The following RNF157 variants were observed in gnomAD, a reference collection of about 807,000 sequenced individuals.
RNF157 encodes the protein ring finger protein 157.
Under a neutral mutation model 88.3 loss-of-function variants are expected in RNF157, and 55 were observed. The observed-to-expected ratio is 0.62, with a 90% CI of 0.50 to 0.78. RNF157 has a LOEUF of 0.78. Among genes scored for constraint, RNF157 ranks in the 30% least tolerant of loss-of-function variants. The pLI is 0.00. For synonymous variants in RNF157, 334 were observed against 341.2 expected (o/e 0.98, Z 0.23); for missense variants, 788 against 860.8 (o/e 0.92, Z 1.06).
chr17:76,236,784 T>C (rs765891117), intron 1 of RNF157, among the ~76,000 whole-genome samples: 2 of 152,208 alleles, frequency 1.3e-5, no homozygotes, highest in Non-Finnish European at 2.9e-5. Context: ...GAATACTATA[T>C]AGTTGTTAAA....
At chr17:76,220,681 C>T (rs1457543702) in intron 1 of RNF157, among the ~76,000 whole-genome samples, 1 of 151,836 alleles carries the variant, frequency 6.6e-6, no homozygotes, top group Non-Finnish European at 1.5e-5. Context: ...TTAGCTGGGC[C>T]AGGCGCAGTG....
rs532306273 is a variant in RNF157 at position 76,210,319 on chromosome 17, C to T, written c.207+2045G>A. 6.8e-4 allele frequency among the ~76,000 whole-genome samples: 103 copies of T among 152,062 alleles called. 3 individuals are homozygous for T. In the South Asian group the frequency reaches 0.012, roughly 18 times the overall value. On this transcript the variant is annotated intron_variant, in intron 2 of 18. Coordinates refer to ENST00000269391, the MANE Select transcript of RNF157 (RefSeq NM_052916.3). ...ATAGAAAGGAAGAGAACCCGCCGGGCGCAGTGGCTCATGCCTGTAATCCCA... is the reference window on the plus strand; with the variant it reads ...ATAGAAAGGAAGAGAACCCGCCGGGTGCAGTGGCTCATGCCTGTAATCCCA...
At position 76,147,071 on chromosome 17, in the gene RNF157, T is replaced by A. The variant is rs561521124; in HGVS notation, c.1922-1718A>T. The A allele has an allele frequency of 1.0e-5, 10 of 985,310 alleles. No homozygotes were observed. The East Asian group carries it at 1.1e-3, about 112-fold the overall frequency. 61.0% of individuals were successfully genotyped at this position (985,310 alleles called of 1,614,324 possible). A position where few individuals can be genotyped will look rare whatever the true frequency, so the allele number is the denominator to read the frequency against. On this transcript the variant is annotated intron_variant, in intron 18 of 18. Coordinates refer to ENST00000269391, the MANE Select transcript of RNF157 (RefSeq NM_052916.3). Reference sequence around the variant, plus strand: ...TCTCTCTCTCATATCCAAACTGAATTTGGGATCTTTACTCCCTGGGGGTGG... The same window carrying A: ...TCTCTCTCTCATATCCAAACTGAATATGGGATCTTTACTCCCTGGGGGTGG...
At chr17:76,226,242 T>C (rs1187245372) in intron 1 of RNF157, 1 of 1,610,256 alleles carries the variant, frequency 6.2e-7, no homozygotes, top group Non-Finnish European at 8.5e-7. Context: ...TCTTCTTCAG[T>C]GATATCCACT....
rs560411886 is a variant in RNF157, at chr17:76,194,402, C to T, written c.207+17962G>A. Reference sequence around the variant, plus strand: ...CACCATAGGAGACTTTCAAATACATCAGAAATAGTGAAGCCAGTCTGATGG... The same window carrying T: ...CACCATAGGAGACTTTCAAATACATTAGAAATAGTGAAGCCAGTCTGATGG... On this transcript the variant is annotated intron_variant, in intron 2 of 18. Transcript: ENST00000269391. Among the ~76,000 whole-genome samples the T allele has an allele frequency of 6.6e-5, 10 of 152,288 alleles. No individual in the cohort carries two copies. The South Asian group carries it at 2.1e-3, about 32-fold the overall frequency.
chr17:76,145,263 G>A lies in RNF157; in HGVS notation c.2012C>T (p.Pro671Leu). The A allele has an allele frequency of 6.2e-7, 1 of 1,607,266 alleles. No individual in the cohort carries two copies. Among genetic ancestry groups the A allele is most frequent in the East Asian group, 2.2e-5 (1 of 44,624 alleles). ...SSSLEDSETR[P>L]CVWGPLAV is the part of the protein sequence containing the mutation. Reference sequence around the variant, plus strand: ...GACAGCCAAAGGGCCCCACACACAGGGCCTCGTCTCAGAGTCCTCCAGGCT... The same window carrying A: ...GACAGCCAAAGGGCCCCACACACAGAGCCTCGTCTCAGAGTCCTCCAGGCT... The change falls in exon 19 of 19, where the codon CCC becomes CTC. Residue 671 changes from proline (P) to leucine (L), a missense_variant. By Grantham distance (98) the Pro-to-Leu change is moderately conservative (BLOSUM62 -3). Coordinates refer to ENST00000269391, the MANE Select transcript of RNF157 (RefSeq NM_052916.3).
At chr17:76,224,455 G>A (rs2070042656) in intron 1 of RNF157, among the ~76,000 whole-genome samples, 1 of 151,902 alleles carries the variant, frequency 6.6e-6, no homozygotes, top group African/African-American at 2.4e-5. Context: ...TCATATATTT[G>A]AAAAAATCTT....
chr17:76,189,132 G>A (rs576232073), intron 2 of RNF157, among the ~76,000 whole-genome samples: 15 of 152,162 alleles, frequency 9.9e-5, no homozygotes, highest in Non-Finnish European at 1.9e-4. Context: ...CTAGATCCTA[G>A]AACTAAGAAA....
At chr17:76,208,928 C>T (rs1441008047) in intron 2 of RNF157, among the ~76,000 whole-genome samples, 2 of 151,130 alleles carry the variant, frequency 1.3e-5, no homozygotes, top group Admixed American at 6.6e-5. Flanking sequence ...AAGCCAAGAT[C>T]GTGCCACTGC....
intron 1 of RNF157, among the ~76,000 whole-genome samples, chr17:76,220,144 A>T (rs1280706939): frequency 6.6e-6 from 1 of 152,096 alleles, no homozygotes; most frequent in Non-Finnish European, 1.5e-5. Flanking sequence ...CCCCACTAAC[A>T]GGAACAAGGG....
At position 76,143,806 on chromosome 17, in the gene RNF157, T is replaced by C. The variant is rs1208678058; in HGVS notation, c.*1429A>G. Reference sequence around the variant, plus strand: ...GACAGAGTTTCGATCTTTTCAATCTTGTAGCCCAGGCTGGAGTGCAGTGGC... The same window carrying C: ...GACAGAGTTTCGATCTTTTCAATCTCGTAGCCCAGGCTGGAGTGCAGTGGC... On this transcript the variant is annotated 3_prime_UTR_variant, in exon 19 of 19. Transcript: ENST00000269391. 1 of 152,200 alleles carries C rather than the reference T, an allele frequency of 6.6e-6. No homozygotes were observed. Among genetic ancestry groups the C allele is most frequent in the Non-Finnish European group, 1.5e-5 (1 of 68,080 alleles). 9.4% of individuals were successfully genotyped at this position (152,200 alleles called of 1,614,324 possible).
At chr17:76,180,430 G>A (rs1012168622) in intron 2 of RNF157, among the ~76,000 whole-genome samples, 7 of 152,198 alleles carry the variant, frequency 4.6e-5, no homozygotes, top group Admixed American at 1.3e-4. Flanking sequence ...CCCTTTCATG[G>A]GGTAAAACTT....
At chr17:76,204,165 C>G (rs2069637862) in intron 2 of RNF157, among the ~76,000 whole-genome samples, 1 of 152,216 alleles carries the variant, frequency 6.6e-6, no homozygotes, top group South Asian at 2.1e-4. Context: ...CAGTCCAATA[C>G]TTATTGACTA....
intron 1 of RNF157, among the ~76,000 whole-genome samples, chr17:76,233,872 C>T (rs1174942001): frequency 1.3e-5 from 2 of 152,154 alleles, no homozygotes; most frequent in East Asian, 3.8e-4. Context: ...AATTTATATA[C>T]CACAGAATTC....
At chr17:76,164,913 G>A in intron 7 of RNF157, 118 bp from the exon 8 acceptor site, 2 of 631,928 alleles carry the variant, frequency 3.2e-6, no homozygotes, top group South Asian at 4.4e-5. Flanking sequence ...CATTTTCCAT[G>A]GTTTCAATTA....
Position 76,222,352 on chromosome 17 carries a change from A to C in RNF157, c.89-9870T>G, listed in dbSNP as rs1410341362. On this transcript the variant is annotated intron_variant, in intron 1 of 18. Transcript: ENST00000269391. ...ACAGAGCAAGACCCCGTCTCAAAAA[A>C]AAAAAAAAAAAGTTCTAGAATAGAG... is the stretch of plus-strand genomic sequence containing the variant. Among the ~76,000 whole-genome samples, 11 of 152,196 alleles carry C rather than the reference A, an allele frequency of 7.2e-5. 1 individual carries two copies. The highest frequency in any genetic ancestry group is 3.9e-4 in the East Asian group (2 of 5,182).
At chr17:76,207,391 C>T (rs924980206) in intron 2 of RNF157, among the ~76,000 whole-genome samples, 3 of 152,096 alleles carry the variant, frequency 2.0e-5, no homozygotes, top group African/African-American at 7.2e-5. Context: ...CCACTGCACT[C>T]CAGCCTGGGT....
chr17:76,195,474 G>T lies in RNF157; in HGVS notation c.207+16890C>A, dbSNP rs145067370. Among the ~76,000 whole-genome samples the T allele has an allele frequency of 6.6e-6, 1 of 152,132 alleles. No homozygotes were observed. Among genetic ancestry groups the T allele is most frequent in the East Asian group, 1.9e-4 (1 of 5,200 alleles). On this transcript the variant is annotated intron_variant, in intron 2 of 18. Coordinates refer to ENST00000269391, the MANE Select transcript of RNF157 (RefSeq NM_052916.3). The surrounding 1 kb of genome is among the most constrained non-coding windows in gnomAD (Gnocchi z 4.4). ...AGAATCACTTTGAAAAGCGGTTAGC[G>T]GTATCTACTACAGCATATTCTATGA...
chr17:76,177,876 G>C (rs555557114), intron 2 of RNF157, among the ~76,000 whole-genome samples: 1 of 152,268 alleles, frequency 6.6e-6, no homozygotes, highest in African/African-American at 2.4e-5. Context: ...GAGAGCTGCA[G>C]AGAAGACAGG....
Sources: allele counts gnomAD v4.1 joint callset (sites outside exome capture counted in the v4.1 genomes callset), GRCh38; gene constraint gnomAD v4.1.1; non-coding constraint Gnocchi (gnomAD v3.1); transcripts MANE v1.5; gene names NCBI Gene and HGNC (gene_info 2026-07-23, HGNC 2026-07-21).